The following DNAH2 variants were observed in gnomAD, a reference collection of about 807,000 sequenced individuals.
The protein encoded by DNAH2 is axonemal beta dynein heavy chain 2.
DNAH2 carries 323 observed loss-of-function variants against 523.5 expected under a neutral mutation model. The observed-to-expected ratio is 0.62, with a 90% CI of 0.56 to 0.68. DNAH2 has a LOEUF of 0.68. Among genes scored for constraint, DNAH2 ranks in the 30% least tolerant of loss-of-function variants. DNAH2 has a pLI of 0.00. For synonymous variants in DNAH2, 2,093 were observed against 2,177.4 expected, an observed-to-expected ratio of 0.96 and a Z score of 1.08; for missense variants, 4,907 against 5,701.5, an observed-to-expected ratio of 0.86 and a Z score of 4.49.
chr17:7,801,098 C>T (rs1597708554), intron 56 of DNAH2, among the ~76,000 whole-genome samples: 3 of 151,684 alleles, frequency 2.0e-5, no homozygotes, highest in African/African-American at 4.9e-5. Flanking sequence ...GTTTCGAACA[C>T]GTGGGCTCAA....
At position 7,798,093 on chromosome 17, in the gene DNAH2, G is replaced by A; in HGVS notation, c.8231-64G>A. 2 of 1,517,952 alleles carry A rather than the reference G, an allele frequency of 1.3e-6. No homozygotes were observed. Among genetic ancestry groups the A allele is most frequent in the East Asian group, 2.3e-5 (1 of 43,876 alleles). 94.0% of individuals were successfully genotyped at this position (1,517,952 alleles called of 1,614,324 possible). ...TTCAGGGGCCCCAATCCCTAGCCTAGGGCCTGGAGGTCCCCTGAGTTTGCT... is the reference window on the plus strand; with the variant it reads ...TTCAGGGGCCCCAATCCCTAGCCTAAGGCCTGGAGGTCCCCTGAGTTTGCT... On this transcript the variant is annotated intron_variant, in intron 53 of 85. Coordinates refer to ENST00000572933, the MANE Select transcript of DNAH2 (RefSeq NM_020877.5). The surrounding 1 kb of genome is among the most constrained non-coding windows in gnomAD (Gnocchi z 5.5).
At chr17:7,739,499 C>T (rs146806644) in intron 8 of DNAH2, among the ~76,000 whole-genome samples, 1 of 152,322 alleles carries the variant, frequency 6.6e-6, no homozygotes, top group Non-Finnish European at 1.5e-5. Flanking sequence ...CTGGCATTTG[C>T]CTCTTATCGC....
At chr17:7,728,328 A>T (rs968932130) in intron 4 of DNAH2, among the ~76,000 whole-genome samples, 1 of 152,134 alleles carries the variant, frequency 6.6e-6, no homozygotes, top group South Asian at 2.1e-4. Context: ...AATGTTGGAA[A>T]ACTTAAAAGG....
At chr17:7,730,816 A>G (rs769732709) in intron 4 of DNAH2, among the ~76,000 whole-genome samples, 2 of 151,722 alleles carry the variant, frequency 1.3e-5, no homozygotes, top group African/African-American at 4.8e-5. Context: ...AAAAAAATTT[A>G]AAATTTAAAA....
chr17:7,802,138 T>C (rs758744611), intron 58 of DNAH2, 121 bp downstream of exon 58: 1 of 1,392,106 alleles, frequency 7.2e-7, no homozygotes, highest in Non-Finnish European at 9.7e-7. Context: ...GCCCAGGAAG[T>C]TGGGAAGAGG....
At position 7,754,769 on chromosome 17, in the gene DNAH2, A is replaced by G. The variant is rs550978172; in HGVS notation, c.1905-2322A>G. ...GGCCCAAGGCCAAGGCCAAGGATCA[A>G]ACCAAGGCCCAGGCTGCAGCTCCAG... On this transcript the variant is annotated intron_variant, in intron 12 of 85. Transcript: ENST00000572933. This position sits in a 1 kb window ranked among gnomAD's most constrained non-coding sequence, Gnocchi z 4.6. The G allele has an allele frequency of 2.6e-4, 234 of 908,144 alleles. 2 individuals are homozygous for G. In the Middle Eastern group the frequency reaches 2.9e-3, roughly 11 times the overall value. 56.3% of individuals were successfully genotyped at this position (908,144 alleles called of 1,614,324 possible). A position where few individuals can be genotyped will look rare whatever the true frequency, so the allele number is the denominator to read the frequency against.
In DNAH2 at chr17:7,796,552, TG is replaced by T; in HGVS notation, c.7764del (p.Thr2589GlnfsTer81). The T allele has an allele frequency of 6.2e-7, 1 of 1,613,646 alleles. No homozygotes were observed. Among genetic ancestry groups the T allele is most frequent in the Non-Finnish European group, 8.5e-7 (1 of 1,179,960 alleles). ...EEEVKPIGNVVTEATLDMYNT... is the reference protein window; with the variant it reads ...EEEVKPIGNVXTEATLDMYNT... The stretch of plus-strand genomic sequence containing the variant: ...GAGGTGAAGCCCATTGGGAACGTGG[TG>T]ACAGAGGCCACCCTGGACATGTACA... On this transcript the variant is annotated frameshift_variant, in exon 50 of 86. Coordinates refer to ENST00000572933, the MANE Select transcript of DNAH2 (RefSeq NM_020877.5). LOFTEE classifies it high-confidence loss of function.
In DNAH2 at chr17:7,831,595, G is replaced by C; in HGVS notation, c.12611+54G>C. 1 of 1,613,492 alleles carries C rather than the reference G, an allele frequency of 6.2e-7. No homozygotes were observed. Among genetic ancestry groups the C allele is most frequent in the Non-Finnish European group, 8.5e-7 (1 of 1,179,546 alleles). The stretch of plus-strand genomic sequence containing the variant: ...GGGGAGGGTGTGAGGAGAAGCCTTT[G>C]CCTTCTGGCTAGAATGACGTTCCCA... On this transcript the variant is annotated intron_variant, in intron 81 of 85. Transcript: ENST00000572933. This position sits in a 1 kb window ranked among gnomAD's most constrained non-coding sequence, Gnocchi z 4.2.
In DNAH2 at chr17:7,821,957, T is replaced by C. The variant is rs1347488719; in HGVS notation, c.11142+588T>C. Among the ~76,000 whole-genome samples the C allele has an allele frequency of 6.6e-6, 1 of 151,904 alleles. No individual in the cohort carries two copies. The highest frequency in any genetic ancestry group is 1.5e-5 in the Non-Finnish European group (1 of 67,992). ...ACTTTTCCCACCTTCACTTCCTGCC[T>C]CCCACCCCAAACTCTCAACACAGCA... is the stretch of plus-strand genomic sequence containing the variant. On this transcript the variant is annotated intron_variant, in intron 73 of 85. Coordinates refer to ENST00000572933, the MANE Select transcript of DNAH2 (RefSeq NM_020877.5). This position sits in a 1 kb window ranked among gnomAD's most constrained non-coding sequence, Gnocchi z 5.0.
intron 13 of DNAH2, 76 bp downstream of exon 13, chr17:7,757,313 G>A: frequency 5.3e-6 from 8 of 1,508,760 alleles, no homozygotes; most frequent in Non-Finnish European, 7.1e-6. Context: ...GCCCTGTAAT[G>A]TTGTTCATTT....
At chr17:7,792,215 G>T in intron 45 of DNAH2, 37 bp from the exon 46 acceptor site, 1 of 1,609,168 alleles carries the variant, frequency 6.2e-7, no homozygotes, top group African/African-American at 1.3e-5. Context: ...AAGGCTCAAG[G>T]AAGGCTTTGG....
chr17:7,825,734 T>G (rs1052014553), intron 77 of DNAH2, among the ~76,000 whole-genome samples: 18 of 152,216 alleles, frequency 1.2e-4, no homozygotes, highest in African/African-American at 4.3e-4. Flanking sequence ...TGATTTCAAC[T>G]CTAATCCCAT....
In DNAH2 at chr17:7,807,365, G is replaced by A. The variant is rs371441576; in HGVS notation, c.9612+46G>A. 2 of 1,603,660 alleles carry A rather than the reference G, an allele frequency of 1.2e-6. No individual in the cohort carries two copies. The highest frequency in any genetic ancestry group is 1.7e-6 in the Non-Finnish European group (2 of 1,175,756). On this transcript the variant is annotated intron_variant, in intron 62 of 85. Coordinates refer to ENST00000572933, the MANE Select transcript of DNAH2 (RefSeq NM_020877.5). This position sits in a 1 kb window ranked among gnomAD's most constrained non-coding sequence, Gnocchi z 5.6. ...GCGGGGCGGTAGGGAGGGCAGGCCTGGGGGAGTGCGGATGCACAGACCCAG... is the reference window on the plus strand; with the variant it reads ...GCGGGGCGGTAGGGAGGGCAGGCCTAGGGGAGTGCGGATGCACAGACCCAG...
chr17:7,752,160 T>TACACACACTCACACACACAC (rs146035380), intron 12 of DNAH2, among the ~76,000 whole-genome samples: 16,089 of 124,768 alleles, frequency 0.13, 1,511 homozygotes, highest in South Asian at 0.18. Flanking sequence ...TAAGTCATTT[T>TACACACACTCACACACACAC]ACACACACAC....
intron 12 of DNAH2, among the ~76,000 whole-genome samples, chr17:7,751,949 G>A (rs905586997): frequency 7.3e-5 from 11 of 150,784 alleles, no homozygotes; most frequent in African/African-American, 2.4e-4. Context: ...GTGTGTGTGC[G>A]TGTTTTGAGA....
intron 12 of DNAH2, among the ~76,000 whole-genome samples, chr17:7,748,675 TG>T (rs1170924579): frequency 2.6e-5 from 4 of 152,054 alleles, no homozygotes; most frequent in Non-Finnish European, 5.9e-5. Flanking sequence ...TTTCTATTTT[TG>T]GTAGAGATGG....
At chr17:7,827,276 G>C (rs2078046591) in intron 77 of DNAH2, among the ~76,000 whole-genome samples, 1 of 148,386 alleles carries the variant, frequency 6.7e-6, no homozygotes, top group Non-Finnish European at 1.5e-5. Context: ...TTTTTAAATG[G>C]TTTGTGCTCC....
intron 29 of DNAH2, 78 bp downstream of exon 29, chr17:7,775,054 C>A: frequency 7.0e-7 from 1 of 1,432,758 alleles, no homozygotes. Flanking sequence ...GGAGGGGACC[C>A]TGCCCTCCCA....
Position 7,818,431 on chromosome 17 carries a change from A to G in DNAH2, c.10507A>G (p.Thr3503Ala). 6.2e-7 allele frequency: 1 copy of G among 1,614,216 alleles called. No homozygotes were observed. The highest frequency in any genetic ancestry group is 8.5e-7 in the Non-Finnish European group (1 of 1,180,034). ...CAGCCCAGAGACCTCAGCCAAGACCACCATCGTCAACTTTGCTGTTAAAGA... is the reference window on the plus strand; with the variant it reads ...CAGCCCAGAGACCTCAGCCAAGACCGCCATCGTCAACTTTGCTGTTAAAGA... Reference protein sequence around the residue: ...HYSPETSAKTTIVNFAVKEQG... With the variant: ...HYSPETSAKTAIVNFAVKEQG... Residue 3503 changes from threonine (T) to alanine (A), a missense_variant, in exon 69 of 86, where the codon ACC becomes GCC. Physicochemically the swap from Thr to Ala is moderately conservative, Grantham distance 58. This residue lies in a region of DNAH2 where 1,851 missense variants were observed against 2,139.4 expected (regional missense o/e 0.87). Coordinates refer to ENST00000572933, the MANE Select transcript of DNAH2 (RefSeq NM_020877.5).
Sources: allele counts gnomAD v4.1 joint callset (sites outside exome capture counted in the v4.1 genomes callset), GRCh38; gene constraint gnomAD v4.1.1; regional missense constraint gnomAD v4.1.1; non-coding constraint Gnocchi (gnomAD v3.1); transcripts MANE v1.5; gene names NCBI Gene and HGNC (gene_info 2026-07-23, HGNC 2026-07-21).